FRAS1: variants seen among roughly 807,000 people sequenced by gnomAD.
FRAS1 encodes Fraser extracellular matrix complex subunit 1, also known as extracellular matrix organizing protein FRAS1.
A neutral mutation model predicts 435.2 loss-of-function variants in FRAS1; 290 were observed. The ratio of observed to expected loss-of-function variants is 0.67; its 90% confidence interval spans 0.61 to 0.73. The LOEUF is 0.73. Ranked by LOEUF, FRAS1 falls within the 30% of genes least tolerant of loss-of-function variation. The pLI is 0.00. For synonymous variants in FRAS1, 1,800 were observed against 1,851.0 expected, an observed-to-expected ratio of 0.97 and a Z score of 0.71; for missense variants, 4,860 against 5,001.5, an observed-to-expected ratio of 0.97 and a Z score of 0.85.
intron 20 of FRAS1, among the ~76,000 whole-genome samples, chr4:78,357,140 C>A (rs901936204): frequency 6.6e-6 from 1 of 152,230 alleles, no homozygotes. Flanking sequence ...CTGCCCTGCT[C>A]CTGTTGCAGC....
intron 14 of FRAS1, among the ~76,000 whole-genome samples, chr4:78,296,074 C>CTT (rs958425043): frequency 2.0e-5 from 3 of 148,304 alleles, no homozygotes; most frequent in African/African-American, 7.4e-5. Flanking sequence ...TCTTTCTTGA[C>CTT]TTTTTTTTTT....
chr4:78,220,381 A>G (rs879210976), intron 2 of FRAS1, among the ~76,000 whole-genome samples: 1 of 152,248 alleles, frequency 6.6e-6, no homozygotes, highest in Non-Finnish European at 1.5e-5. Context: ...TTATTGGAAC[A>G]TAGACCTGCT....
chr4:78,299,500 A>G (rs1001364440), intron 14 of FRAS1, among the ~76,000 whole-genome samples: 6 of 152,258 alleles, frequency 3.9e-5, no homozygotes, highest in East Asian at 1.9e-4. Context: ...GTATTTTACT[A>G]TTTTAACAAC....
intron 2 of FRAS1, among the ~76,000 whole-genome samples, chr4:78,128,574 A>G (rs868565234): frequency 6.6e-6 from 1 of 152,214 alleles, no homozygotes; most frequent in Non-Finnish European, 1.5e-5. Context: ...GTCTGTTCAT[A>G]TCCTTCACCC....
At chr4:78,478,570 T>C (rs1264427302) in intron 55 of FRAS1, among the ~76,000 whole-genome samples, 1 of 152,204 alleles carries the variant, frequency 6.6e-6, no homozygotes, top group Non-Finnish European at 1.5e-5. Flanking sequence ...TACATAGTAA[T>C]TGTGCATGTT....
At chr4:78,476,887 T>C (rs1719867198) in intron 54 of FRAS1, among the ~76,000 whole-genome samples, 1 of 152,156 alleles carries the variant, frequency 6.6e-6, no homozygotes, top group Non-Finnish European at 1.5e-5. Flanking sequence ...TTCAGTTATC[T>C]CCGTTTACAC....
chr4:78,441,494 T>G (rs1734657071), intron 41 of FRAS1, among the ~76,000 whole-genome samples, 197 bp downstream of exon 41: 1 of 152,190 alleles, frequency 6.6e-6, no homozygotes, highest in African/African-American at 2.4e-5. Context: ...GGAACTTATT[T>G]AATTAAGCAC....
intron 65 of FRAS1, among the ~76,000 whole-genome samples, chr4:78,514,256 C>T (rs1040825498): frequency 6.6e-6 from 1 of 152,234 alleles, no homozygotes; most frequent in Admixed American, 6.5e-5. Flanking sequence ...TGGGCTGAGC[C>T]AATATGCAGC....
rs148516919 is a variant in FRAS1, at chr4:78,440,680, G to C, written c.5530-482G>C. ...CTTTCAGATATGGTGAACCTTTCTTGCTACACACCTATAAATATATAATAT... is the reference window on the plus strand; with the variant it reads ...CTTTCAGATATGGTGAACCTTTCTTCCTACACACCTATAAATATATAATAT... On this transcript the variant is annotated intron_variant, in intron 40 of 73. Coordinates refer to ENST00000512123, the MANE Select transcript of FRAS1 (RefSeq NM_025074.7). 2.0e-5 allele frequency among the ~76,000 whole-genome samples: 3 copies of C among 152,288 alleles called. No homozygotes were observed. In the East Asian group the frequency reaches 5.8e-4, roughly 29 times the overall value.
At chr4:78,243,797 A>G (rs1725113384) in intron 3 of FRAS1, among the ~76,000 whole-genome samples, 1 of 152,182 alleles carries the variant, frequency 6.6e-6, no homozygotes, top group Admixed American at 6.6e-5. Flanking sequence ...ATCTGGGGGC[A>G]TGAAACATTC....
chr4:78,182,134 G>A, intron 2 of FRAS1: 3 of 957,600 alleles, frequency 3.1e-6, no homozygotes, highest in Non-Finnish European at 4.6e-6. Flanking sequence ...CCACAAGATG[G>A]CCGGGCCAAG....
intron 2 of FRAS1, among the ~76,000 whole-genome samples, chr4:78,227,751 A>G (rs1427952968): frequency 1.3e-5 from 2 of 152,254 alleles, no homozygotes; most frequent in African/African-American, 4.8e-5. Context: ...TGACTGATGT[A>G]TTAATCTAGA....
chr4:78,505,673 C>T (rs373342478), intron 61 of FRAS1, among the ~76,000 whole-genome samples: 5 of 152,218 alleles, frequency 3.3e-5, no homozygotes, highest in Middle Eastern at 3.4e-3. Context: ...TGGGTTAGAA[C>T]GTGCTCCTTT....
intron 47 of FRAS1, among the ~76,000 whole-genome samples, chr4:78,459,424 A>G: frequency 6.6e-6 from 1 of 152,360 alleles, no homozygotes; most frequent in Admixed American, 6.5e-5. Flanking sequence ...TTTGGTAGCA[A>G]CATGGCAGAG....
At chr4:78,306,784 T>C (rs1437652782) in intron 14 of FRAS1, among the ~76,000 whole-genome samples, 1 of 152,156 alleles carries the variant, frequency 6.6e-6, no homozygotes, top group Non-Finnish European at 1.5e-5. Flanking sequence ...TTTTCAAAGT[T>C]TTCAACTTCT....
intron 2 of FRAS1, among the ~76,000 whole-genome samples, chr4:78,187,044 C>T (rs956834881): frequency 1.3e-5 from 2 of 152,162 alleles, no homozygotes; most frequent in African/African-American, 4.8e-5. Context: ...AGTGTTGCCT[C>T]ATTTAAAGAG....
intron 2 of FRAS1, among the ~76,000 whole-genome samples, chr4:78,074,596 G>T (rs111346242): frequency 6.6e-6 from 1 of 152,044 alleles, no homozygotes; most frequent in African/African-American, 2.4e-5. Flanking sequence ...TTCTGTGTTG[G>T]CAGAGTCCTG....
At chr4:78,191,606 A>G (rs968661564) in intron 2 of FRAS1, among the ~76,000 whole-genome samples, 2 of 150,522 alleles carry the variant, frequency 1.3e-5, no homozygotes, top group African/African-American at 4.9e-5. Flanking sequence ...TTTGTTACAC[A>G]TGTATACATG....
chr4:78,083,761 G>C (rs17002926), intron 2 of FRAS1, among the ~76,000 whole-genome samples: 7,864 of 151,608 alleles, frequency 0.052, 268 homozygotes, highest in Admixed American at 0.082. Context: ...TTACATTGTA[G>C]AGTTACCTGT....
Sources: allele counts gnomAD v4.1 joint callset (sites outside exome capture counted in the v4.1 genomes callset), GRCh38; gene constraint gnomAD v4.1.1; transcripts MANE v1.5; gene names NCBI Gene and HGNC (gene_info 2026-07-23, HGNC 2026-07-21).